NRG1: variants seen among roughly 807,000 people sequenced by gnomAD.
NRG1 encodes the protein pro-neuregulin-1, membrane-bound isoform.
In NRG1, 18 loss-of-function variants were observed where a neutral mutation model predicts 63.8. The observed-to-expected ratio is 0.28, with a 90% CI of 0.19 to 0.42. NRG1 has a LOEUF of 0.42. NRG1 is among the 10% of genes least tolerant of loss of function. NRG1 has a pLI of 1.00. For missense variants in NRG1, 762 were observed against 814.7 expected (o/e 0.94, Z 0.79); for synonymous variants, 302 against 301.3 (o/e 1.00, Z -0.02).
chr8:32,424,935 A>G (rs1366468765), intron 1 of NRG1, among the ~76,000 whole-genome samples: 1 of 152,136 alleles, frequency 6.6e-6, no homozygotes, highest in Non-Finnish European at 1.5e-5. Context: ...TAGTTCATAT[A>G]TTTGAGTCTT....
rs530959221 is a variant in NRG1 at position 31,978,195 on chromosome 8, A to G, written c.37+338764A>G. On this transcript the variant is annotated intron_variant, in intron 1 of 10. Transcript: ENST00000519301. ...GATTTATTTCCTCCTTTAATTTAGAATATCTTTAAGTAGTTAGAAGGAAAC... is the reference window on the plus strand; with the variant it reads ...GATTTATTTCCTCCTTTAATTTAGAGTATCTTTAAGTAGTTAGAAGGAAAC... Among the ~76,000 whole-genome samples, 5 of 152,220 alleles carry G rather than the reference A, an allele frequency of 3.3e-5. No individual in the cohort carries two copies. In the East Asian group the frequency reaches 5.8e-4, roughly 18 times the overall value.
At chr8:31,915,218 T>C (rs1833282170) in intron 1 of NRG1, among the ~76,000 whole-genome samples, 1 of 152,084 alleles carries the variant, frequency 6.6e-6, no homozygotes, top group Admixed American at 6.6e-5. Flanking sequence ...ATTAAAAACA[T>C]GTCCACTCAA....
At chr8:31,947,636 A>G (rs1478509104) in intron 1 of NRG1, among the ~76,000 whole-genome samples, 1 of 152,062 alleles carries the variant, frequency 6.6e-6, no homozygotes, top group Non-Finnish European at 1.5e-5. Flanking sequence ...GTCACATGCC[A>G]TGCAAACGTA....
intron 1 of NRG1, among the ~76,000 whole-genome samples, chr8:32,460,865 C>G (rs752076656): frequency 6.6e-6 from 1 of 152,094 alleles, no homozygotes; most frequent in African/African-American, 2.4e-5. Context: ...GCCAACCACT[C>G]GTTCTATCCA....
intron 1 of NRG1, among the ~76,000 whole-genome samples, chr8:31,803,377 A>G (rs1821976233): frequency 6.6e-6 from 1 of 152,162 alleles, no homozygotes; most frequent in African/African-American, 2.4e-5. Flanking sequence ...ACACCGACAG[A>G]GAGCTGGTAG....
At chr8:32,600,690 A>G (rs933375988) in intron 2 of NRG1, among the ~76,000 whole-genome samples, 7 of 152,174 alleles carry the variant, frequency 4.6e-5, no homozygotes, top group African/African-American at 1.7e-4. Flanking sequence ...TGAAAATCCA[A>G]ATATTTCAGG....
chr8:31,730,847 A>G (rs1225985656), intron 1 of NRG1, among the ~76,000 whole-genome samples: 1 of 152,180 alleles, frequency 6.6e-6, no homozygotes, highest in African/African-American at 2.4e-5. Context: ...GAGAAGTGAT[A>G]AACTTGGAAC....
intron 7 of NRG1, 27 bp from the exon 8 acceptor site, chr8:32,754,345 A>T (rs371298842): frequency 6.2e-7 from 1 of 1,605,794 alleles, no homozygotes; most frequent in Non-Finnish European, 8.5e-7. Flanking sequence ...GTGACCTGTG[A>T]TGACATCTGC....
chr8:32,284,235 C>G (rs1456467987), intron 1 of NRG1, among the ~76,000 whole-genome samples: 2 of 152,040 alleles, frequency 1.3e-5, no homozygotes, highest in East Asian at 1.9e-4. Context: ...TCCTCAATCC[C>G]CACCTGTAAT....
chr8:32,747,826 G>A (rs372531087), intron 7 of NRG1, among the ~76,000 whole-genome samples: 8 of 150,252 alleles, frequency 5.3e-5, no homozygotes, highest in African/African-American at 7.4e-5. Context: ...AAGTATCCCC[G>A]GAGCTTACAG....
At chr8:32,349,794 G>C (rs1805363514) in intron 1 of NRG1, among the ~76,000 whole-genome samples, 1 of 152,168 alleles carries the variant, frequency 6.6e-6, no homozygotes, top group Admixed American at 6.5e-5. Flanking sequence ...CTGGTCAAAA[G>C]ATCCATCAGG....
In NRG1 at chr8:32,742,764, A is replaced by C; in HGVS notation, c.691+31A>C. The C allele has an allele frequency of 6.2e-7, 1 of 1,613,640 alleles. No individual in the cohort carries two copies. The highest frequency in any genetic ancestry group is 8.5e-7 in the Non-Finnish European group (1 of 1,179,656). On this transcript the variant is annotated intron_variant, in intron 7 of 11. Coordinates refer to ENST00000356819, the Ensembl canonical transcript of NRG1. The surrounding 1 kb of genome is among the most constrained non-coding windows in gnomAD (Gnocchi z 4.2). ...TCCACTCCCTTTCTGTCTCTGCCTG[A>C]ATAGGAGCATGCTCAGTTGGTGCTG...
chr8:31,663,704 G>T (rs896313281), intron 1 of NRG1, among the ~76,000 whole-genome samples: 1 of 152,168 alleles, frequency 6.6e-6, no homozygotes, highest in Admixed American at 6.6e-5. Context: ...GTTATGTCCA[G>T]TTAATGGGCA....
rs774505431 is a variant in NRG1 at position 32,027,414 on chromosome 8, C to CTCCTTCCTTCCTTCCT, written c.37+388023_37+388038dup. 4.6e-4 allele frequency among the ~76,000 whole-genome samples: 53 copies of CTCCTTCCTTCCTTCCT among 114,138 alleles called. 1 individual carries two copies. The highest frequency in any genetic ancestry group is 2.2e-3 in the African/African-American group (53 of 23,562). The allele number at this position is 114,138 out of a possible 152,430, so 74.9% of individuals were successfully genotyped here. A position where few individuals can be genotyped will look rare whatever the true frequency, so the allele number is the denominator to read the frequency against. On this transcript the variant is annotated intron_variant, in intron 1 of 10. Coordinates refer to the NRG1 transcript ENST00000519301. ...GTTTTTTATAAATTTCCTTCCTTCCCTCCTTCCTTCCTTCCTTCCTTCCTT... is the reference window on the plus strand; with the variant it reads ...GTTTTTTATAAATTTCCTTCCTTCCCTCCTTCCTTCCTTCCTTCCTTCCTTCCTTCCTTCCTTCCTT...
At chr8:32,069,313 G>C (rs937775420) in intron 1 of NRG1, among the ~76,000 whole-genome samples, 1 of 152,194 alleles carries the variant, frequency 6.6e-6, no homozygotes, top group Non-Finnish European at 1.5e-5. Context: ...TAAAGCATAT[G>C]TTATGGGAGA....
At chr8:31,908,317 T>C (rs1274136637) in intron 1 of NRG1, among the ~76,000 whole-genome samples, 2 of 152,138 alleles carry the variant, frequency 1.3e-5, no homozygotes, top group Non-Finnish European at 2.9e-5. Flanking sequence ...AAGTGTTGGT[T>C]TTTCTTTATC....
intron 5 of NRG1, among the ~76,000 whole-genome samples, chr8:32,659,149 T>TTC (rs200835598): frequency 0.04 from 5,830 of 145,030 alleles, 382 homozygotes; most frequent in African/African-American, 0.15. Flanking sequence ...TTCTTTTCTT[T>TTC]TTTTTTTTTT....
intron 1 of NRG1, among the ~76,000 whole-genome samples, chr8:31,809,651 C>T (rs1227028749): frequency 3.3e-5 from 5 of 149,860 alleles, no homozygotes. Context: ...AAATGCCAAC[C>T]AGTTTTTCTT....
chr8:32,284,382 G>A (rs1853242281), intron 1 of NRG1, among the ~76,000 whole-genome samples: 1 of 151,880 alleles, frequency 6.6e-6, no homozygotes, highest in African/African-American at 2.4e-5. Flanking sequence ...CAATGTCGAG[G>A]CCAATCTCTT....
Sources: gnomAD v4.1 joint callset for allele counts (sites outside exome capture counted in the v4.1 genomes callset) on GRCh38, gnomAD v4.1.1 for gene constraint, Gnocchi (gnomAD v3.1) non-coding constraint, MANE v1.5 for transcripts, NCBI Gene and HGNC (gene_info 2026-07-23, HGNC 2026-07-21) for gene names.